Variants in CLDN16 observed in about 807,000 individuals in gnomAD.
CLDN16 encodes claudin-16.
Under a neutral mutation model 24.6 loss-of-function variants are expected in CLDN16, and 13 were observed. The observed-to-expected ratio is 0.53, with a 90% CI of 0.34 to 0.84. The LOEUF (loss-of-function observed/expected upper bound fraction) is 0.84, where lower values mean the gene tolerates loss of function less well. Ranked by LOEUF, CLDN16 falls within the 40% of genes least tolerant of loss-of-function variation. The pLI is 0.01. For missense variants in CLDN16, 298 were observed against 292.7 expected (o/e 1.02, Z -0.13); for synonymous variants, 116 against 106.7 (o/e 1.09, Z -0.54).
At chr3:190,325,902 T>A (rs967256357) in intron 1 of CLDN16, among the ~76,000 whole-genome samples, 1 of 152,212 alleles carries the variant, frequency 6.6e-6, no homozygotes. Context: ...AAATATTGTA[T>A]AAATTTAACA....
Position 190,357,267 on chromosome 3 carries a change from C to T in CLDN16, n.122-13626C>T, listed in dbSNP as rs1365002283. The stretch of plus-strand genomic sequence containing the variant: ...TTTCTAAAACTTGCAGATCTGGGAT[C>T]AGAAAAACACAACCTTGAATCTACC... On this transcript the variant is annotated intron_variant and non_coding_transcript_variant, in intron 1 of 4. Coordinates refer to the CLDN16 transcript ENST00000468220. Among the ~76,000 whole-genome samples the T allele has an allele frequency of 2.6e-5, 4 of 151,872 alleles. No homozygotes were observed. In the East Asian group the frequency reaches 7.8e-4, roughly 30 times the overall value.
chr3:190,401,834 AT>A (rs1718969537), intron 1 of CLDN16, among the ~76,000 whole-genome samples: 1 of 151,960 alleles, frequency 6.6e-6, no homozygotes, highest in Non-Finnish European at 1.5e-5. Flanking sequence ...TAATTATTTT[AT>A]ATTTATAAAC....
At chr3:190,336,649 A>C (rs1391078901) in intron 1 of CLDN16, among the ~76,000 whole-genome samples, 1 of 152,208 alleles carries the variant, frequency 6.6e-6, no homozygotes, top group Non-Finnish European at 1.5e-5. Context: ...GTTGCATAAA[A>C]GTTATCTCTA....
chr3:190,290,688 C>T, the CLDN16 span, among the ~76,000 whole-genome samples: 1 of 152,122 alleles, frequency 6.6e-6, no homozygotes, highest in Non-Finnish European at 1.5e-5. Flanking sequence ...CTTTATCTTA[C>T]AGAAAGGATG....
chr3:190,360,407 G>T (rs920634434), intron 1 of CLDN16, among the ~76,000 whole-genome samples: 1 of 151,870 alleles, frequency 6.6e-6, no homozygotes. Context: ...GATTTATCCG[G>T]TGTGACATGT....
chr3:190,386,629 T>G (rs1183061102), upstream of CLDN16, among the ~76,000 whole-genome samples: 1 of 152,188 alleles, frequency 6.6e-6, no homozygotes, highest in Admixed American at 6.5e-5. Context: ...ATGAATTGTT[T>G]ATCTATGAAA....
At chr3:190,367,248 A>T (rs1221050776) in intron 1 of CLDN16, among the ~76,000 whole-genome samples, 2 of 152,006 alleles carry the variant, frequency 1.3e-5, no homozygotes, top group African/African-American at 2.4e-5. Flanking sequence ...ATTAAAGTGC[A>T]TAGTGAAACT....
chr3:190,313,564 T>C, the CLDN16 span, among the ~76,000 whole-genome samples: 2 of 152,200 alleles, frequency 1.3e-5, no homozygotes. Flanking sequence ...TTATCATGGC[T>C]GGATAAGCAG....
chr3:190,311,276 G>GCACTTCATA, the CLDN16 span, among the ~76,000 whole-genome samples: 1 of 152,284 alleles, frequency 6.6e-6, no homozygotes, highest in East Asian at 1.9e-4. Flanking sequence ...CGTCTTCCAA[G>GCACTTCATA]CACTTCATAC....
chr3:190,363,556 G>GTGTGTGTGTATATATATA (rs1301414615), intron 1 of CLDN16, among the ~76,000 whole-genome samples: 3 of 87,398 alleles, frequency 3.4e-5, no homozygotes, highest in African/African-American at 1.4e-4. Context: ...GTGTGTGTGT[G>GTGTGTGTGTATATATATA]TATATATATA....
At chr3:190,407,040 T>A (rs1166833873) in intron 3 of CLDN16, among the ~76,000 whole-genome samples, 1 of 152,114 alleles carries the variant, frequency 6.6e-6, no homozygotes, top group East Asian at 1.9e-4. Context: ...GTGCCCGGCC[T>A]ATCTGCTCCT....
the CLDN16 span, among the ~76,000 whole-genome samples, chr3:190,293,754 CCT>C: frequency 6.6e-6 from 1 of 152,096 alleles, no homozygotes; most frequent in Non-Finnish European, 1.5e-5. Context: ...ATTGTCAAGA[CCT>C]TGGCTCACTG....
At chr3:190,339,072 A>G (rs1055215134) in intron 1 of CLDN16, among the ~76,000 whole-genome samples, 2 of 150,640 alleles carry the variant, frequency 1.3e-5, no homozygotes, top group South Asian at 2.1e-4. Context: ...CTGGCCAAGA[A>G]AATTATCTGA....
At position 190,404,847 on chromosome 3, in the gene CLDN16, C is replaced by T; in HGVS notation, c.303C>T (p.Asp101=). 1 of 1,614,112 alleles carries T rather than the reference C, an allele frequency of 6.2e-7. No homozygotes were observed. Among genetic ancestry groups the T allele is most frequent in the African/African-American group, 1.3e-5 (1 of 75,018 alleles). Residue 101 remains aspartate (D), a synonymous_variant, in exon 3 of 5, where the codon GAC becomes GAT. Coordinates refer to ENST00000264734, the MANE Select transcript of CLDN16 (RefSeq NM_006580.4). ...TTCTCACCCTGCTCCTTGGTCTTGA[C>T]TGCGTGAAATTCCTCCCTGATGAGC... is the stretch of plus-strand genomic sequence containing the variant. The part of the protein sequence containing the change: ...FGFLTLLLGL[D]CVKFLPDEPY...
chr3:190,306,106 T>A, the CLDN16 span: 2 of 152,374 alleles, frequency 1.3e-5, no homozygotes, highest in South Asian at 4.1e-4. Flanking sequence ...CTAACTATCC[T>A]AGCAGCGTCA....
chr3:190,312,701 C>G, the CLDN16 span, among the ~76,000 whole-genome samples: 2 of 152,184 alleles, frequency 1.3e-5, no homozygotes, highest in Non-Finnish European at 2.9e-5. Flanking sequence ...GCAGAGCTCT[C>G]ACATTTTCAT....
intron 3 of CLDN16, among the ~76,000 whole-genome samples, chr3:190,381,156 G>A (rs931410532): frequency 6.6e-6 from 1 of 152,084 alleles, no homozygotes; most frequent in Non-Finnish European, 1.5e-5. Flanking sequence ...TGCAAACAGC[G>A]AGAAAAAGAG....
intron 2 of CLDN16, among the ~76,000 whole-genome samples, chr3:190,402,828 T>C (rs1359745252): frequency 6.6e-6 from 1 of 152,166 alleles, no homozygotes; most frequent in Non-Finnish European, 1.5e-5. Flanking sequence ...TGTTTTAAGC[T>C]ATGACTTAGT....
intron 4 of CLDN16, among the ~76,000 whole-genome samples, chr3:190,408,806 C>A (rs184376147): frequency 2.3e-3 from 329 of 144,390 alleles, no homozygotes; most frequent in African/African-American, 8.0e-3. Flanking sequence ...ATATACATAC[C>A]GTATATATAC....
Sources: gnomAD v4.1 joint callset for allele counts (sites outside exome capture counted in the v4.1 genomes callset) on GRCh38, gnomAD v4.1.1 for gene constraint, MANE v1.5 for transcripts, NCBI Gene and HGNC (gene_info 2026-07-23, HGNC 2026-07-21) for gene names.